GABRG3: variants seen among roughly 807,000 people sequenced by gnomAD.
The protein encoded by GABRG3 is gamma-aminobutyric acid type A receptor subunit gamma3.
A neutral mutation model predicts 48.8 loss-of-function variants in GABRG3; 25 were observed. The observed-to-expected ratio is 0.51, with a 90% CI of 0.37 to 0.72. The LOEUF (loss-of-function observed/expected upper bound fraction) is 0.72, where lower values mean the gene tolerates loss of function less well. GABRG3 is among the 30% of genes least tolerant of loss of function. The pLI is 0.00. For synonymous variants in GABRG3, 227 were observed against 217.6 expected, an observed-to-expected ratio of 1.04 and a Z score of -0.38; for missense variants, 394 against 577.9, an observed-to-expected ratio of 0.68 and a Z score of 3.26.
At chr15:27,345,842 T>C (rs1283634539) in intron 5 of GABRG3, among the ~76,000 whole-genome samples, 1 of 151,706 alleles carries the variant, frequency 6.6e-6, no homozygotes, top group African/African-American at 2.4e-5. Context: ...TCCCCTGAGG[T>C]CAGGAGTTCA....
chr15:27,445,909 T>C (rs866605399), intron 5 of GABRG3, among the ~76,000 whole-genome samples: 22 of 152,266 alleles, frequency 1.4e-4, no homozygotes, highest in Middle Eastern at 3.4e-3. Flanking sequence ...CTTTTTTTTT[T>C]CCTATTGAAT....
At position 27,421,886 on chromosome 15, in the gene GABRG3, C is replaced by A. The variant is rs559944851; in HGVS notation, c.575-58764C>A. Among the ~76,000 whole-genome samples, 938 of 149,770 alleles carry A rather than the reference C, an allele frequency of 6.3e-3. 3 individuals carry two copies. The highest frequency in any genetic ancestry group is 0.022 in the African/African-American group (878 of 40,350). On this transcript the variant is annotated intron_variant, in intron 5 of 9. Transcript: ENST00000615808. The stretch of plus-strand genomic sequence containing the variant: ...TCCATGGGAGTGGGCTGCATATCCA[C>A]CAATACTGAGTGTTCTAAGATATCC...
chr15:27,115,683 A>G (rs1253514606), intron 3 of GABRG3, among the ~76,000 whole-genome samples: 2 of 152,176 alleles, frequency 1.3e-5, no homozygotes, highest in Non-Finnish European at 1.5e-5. Context: ...AGTCCTCCCA[A>G]CATACCTTTG....
chr15:27,475,703 G>C (rs759928503), intron 5 of GABRG3, among the ~76,000 whole-genome samples: 1 of 152,002 alleles, frequency 6.6e-6, no homozygotes, highest in Non-Finnish European at 1.5e-5. Context: ...TGATGATGGT[G>C]ATAGTAATAA....
At chr15:27,443,646 T>A (rs1255414791) in intron 5 of GABRG3, among the ~76,000 whole-genome samples, 2 of 152,232 alleles carry the variant, frequency 1.3e-5, no homozygotes, top group Non-Finnish European at 2.9e-5. Flanking sequence ...TTTCTTCTCC[T>A]TGTCTGATTG....
In GABRG3 at chr15:27,382,686, T is replaced by C. The variant is rs1595716816; in HGVS notation, c.574+53798T>C. On this transcript the variant is annotated intron_variant, in intron 5 of 9. Coordinates refer to ENST00000615808, the MANE Select transcript of GABRG3 (RefSeq NM_033223.5). ...ATGATGGTGGTTTGCACTACTGTGT[T>C]TCAGAAGTGGTGGGGTGTTTTTGGA... Among the ~76,000 whole-genome samples, 3 of 152,248 alleles carry C rather than the reference T, an allele frequency of 2.0e-5. No individual in the cohort carries two copies. In the East Asian group the frequency reaches 5.8e-4, roughly 29 times the overall value.
intron 5 of GABRG3, chr15:27,363,076 GT>G (rs1353254384): frequency 2.0e-5 from 3 of 152,150 alleles, no homozygotes. Context: ...ATCCTCCTGA[GT>G]TTGTGCTCTT....
intron 3 of GABRG3, among the ~76,000 whole-genome samples, chr15:27,306,505 CTA>C (rs558365135): frequency 2.8e-4 from 38 of 135,276 alleles, no homozygotes; most frequent in South Asian, 1.2e-3. Context: ...AAACATATGT[CTA>C]TATATAAACA....
intron 3 of GABRG3, among the ~76,000 whole-genome samples, chr15:27,080,066 G>A (rs4887550): frequency 0.19 from 29,470 of 152,052 alleles, 2,940 homozygotes; most frequent in Middle Eastern, 0.25. Flanking sequence ...ATTTGGAAGA[G>A]AGTCATCTTC....
Position 27,476,391 on chromosome 15 carries a change from T to A in GABRG3, c.575-4259T>A, listed in dbSNP as rs147971667. ...ACTTTAAAAATGTGTGTAAAGAACT[T>A]AAGGAAATCATGCCTTAAAAAAATC... On this transcript the variant is annotated intron_variant, in intron 5 of 9. Coordinates refer to ENST00000615808, the MANE Select transcript of GABRG3 (RefSeq NM_033223.5). Among the ~76,000 whole-genome samples, 575 of 152,126 alleles carry A rather than the reference T, an allele frequency of 3.8e-3. 4 individuals carry two copies. The highest frequency in any genetic ancestry group is 0.013 in the African/African-American group (547 of 41,490).
rs150960912 is a variant in GABRG3 at position 27,429,940 on chromosome 15, A to G, written c.575-50710A>G. ...CTGTTGGGCTTATACCTAACAGGAG[A>G]ATTCTGTGGTCCTATGGAAACAATA... On this transcript the variant is annotated intron_variant, in intron 5 of 9. Transcript: ENST00000615808. Among the ~76,000 whole-genome samples, 379 of 152,234 alleles carry G rather than the reference A, an allele frequency of 2.5e-3. 1 individual carries two copies. The highest frequency in any genetic ancestry group is 8.6e-3 in the African/African-American group (357 of 41,550).
intron 3 of GABRG3, among the ~76,000 whole-genome samples, chr15:27,253,436 C>T (rs1278724819): frequency 6.6e-6 from 1 of 152,224 alleles, no homozygotes; most frequent in Non-Finnish European, 1.5e-5. Flanking sequence ...GCTGTCCACT[C>T]AGCTGGCCCA....
chr15:27,450,562 C>T (rs1329773093), intron 5 of GABRG3, among the ~76,000 whole-genome samples: 1 of 152,064 alleles, frequency 6.6e-6, no homozygotes, highest in African/African-American at 2.4e-5. Flanking sequence ...AAATGTACCT[C>T]AAAATAATAA....
intron 5 of GABRG3, among the ~76,000 whole-genome samples, chr15:27,462,651 T>C (rs1789311399): frequency 6.6e-6 from 1 of 152,182 alleles, no homozygotes; most frequent in Non-Finnish European, 1.5e-5. Context: ...CTCCTATCAC[T>C]TGATATAGAG....
At chr15:27,314,254 C>G (rs912369298) in intron 3 of GABRG3, among the ~76,000 whole-genome samples, 1 of 152,142 alleles carries the variant, frequency 6.6e-6, no homozygotes, top group Non-Finnish European at 1.5e-5. Context: ...GGACTAAAGA[C>G]TTGACTATAC....
At chr15:27,456,748 T>G (rs1250396484) in intron 5 of GABRG3, among the ~76,000 whole-genome samples, 1 of 152,010 alleles carries the variant, frequency 6.6e-6, no homozygotes, top group Non-Finnish European at 1.5e-5. Context: ...GTCTCCTGGG[T>G]CTCAGATACT....
intron 3 of GABRG3, among the ~76,000 whole-genome samples, chr15:27,310,196 A>T (rs1892947851): frequency 6.6e-6 from 1 of 152,080 alleles, no homozygotes; most frequent in African/African-American, 2.4e-5. Context: ...AGGGGCAATG[A>T]CAAAAGGCTA....
At chr15:27,317,298 C>A (rs964110998) in intron 3 of GABRG3, among the ~76,000 whole-genome samples, 1 of 152,192 alleles carries the variant, frequency 6.6e-6, no homozygotes, top group African/African-American at 2.4e-5. Flanking sequence ...CCCCCCAATT[C>A]CATGGCAGGG....
chr15:27,144,254 C>A (rs1453387465), intron 3 of GABRG3, among the ~76,000 whole-genome samples: 1 of 152,160 alleles, frequency 6.6e-6, no homozygotes, highest in African/African-American at 2.4e-5. Flanking sequence ...ACTTTCATGA[C>A]CCCCTCCCCA....
Sources: gnomAD v4.1 joint callset for allele counts (sites outside exome capture counted in the v4.1 genomes callset) on GRCh38, gnomAD v4.1.1 for gene constraint, MANE v1.5 for transcripts, NCBI Gene and HGNC (gene_info 2026-07-23, HGNC 2026-07-21) for gene names.